Variants in GRID1 observed in about 807,000 individuals in gnomAD.
GRID1 encodes glutamate receptor ionotropic, delta-1.
In GRID1, 28 loss-of-function variants were observed where a neutral mutation model predicts 98.0. That is an observed-to-expected ratio of 0.29 (90% CI 0.21 to 0.39). GRID1 has a LOEUF of 0.39. Among genes scored for constraint, GRID1 ranks in the 10% least tolerant of loss-of-function variants. The pLI is 1.00. For synonymous variants in GRID1, 553 were observed against 538.5 expected (o/e 1.03, Z -0.37); for missense variants, 1,111 against 1,340.5 (o/e 0.83, Z 2.67).
At chr10:86,345,048 C>T (rs1383872365) in intron 2 of GRID1, among the ~76,000 whole-genome samples, 1 of 152,176 alleles carries the variant, frequency 6.6e-6, no homozygotes, top group Non-Finnish European at 1.5e-5. Flanking sequence ...CAGTGGCCCA[C>T]GGCAGTGACC....
chr10:85,945,816 G>C (rs1213894787), intron 4 of GRID1, among the ~76,000 whole-genome samples: 1 of 152,144 alleles, frequency 6.6e-6, no homozygotes, highest in Non-Finnish European at 1.5e-5. Flanking sequence ...TTGTTTTCTA[G>C]TAAGCAGATA....
chr10:86,167,638 A>C (rs1265738096), intron 3 of GRID1, among the ~76,000 whole-genome samples: 1 of 152,202 alleles, frequency 6.6e-6, no homozygotes, highest in African/African-American at 2.4e-5. Flanking sequence ...GGCAGGGTCC[A>C]TAGCATTGTA....
At chr10:85,773,811 A>G (rs1258156513) in intron 8 of GRID1, among the ~76,000 whole-genome samples, 1 of 152,238 alleles carries the variant, frequency 6.6e-6, no homozygotes, top group East Asian at 1.9e-4. Context: ...ACCACTGCTC[A>G]ATGAAATGAA....
chr10:85,667,934 G>A (rs1039779676), intron 12 of GRID1, among the ~76,000 whole-genome samples: 1 of 152,172 alleles, frequency 6.6e-6, no homozygotes, highest in Non-Finnish European at 1.5e-5. Context: ...CTCCCTGGAG[G>A]GCACCCACCA....
At chr10:86,156,000 G>C (rs1845239945) in intron 3 of GRID1, among the ~76,000 whole-genome samples, 1 of 152,194 alleles carries the variant, frequency 6.6e-6, no homozygotes, top group African/African-American at 2.4e-5. Context: ...TCCGCAATCT[G>C]ACCTTCCTAG....
chr10:85,824,953 T>C (rs1842806028), intron 8 of GRID1, among the ~76,000 whole-genome samples: 1 of 152,220 alleles, frequency 6.6e-6, no homozygotes, highest in African/African-American at 2.4e-5. Context: ...CATCAGTTGA[T>C]GGATACTTAG....
At chr10:86,294,841 T>C (rs987448875) in intron 2 of GRID1, among the ~76,000 whole-genome samples, 1 of 152,102 alleles carries the variant, frequency 6.6e-6, no homozygotes, top group South Asian at 2.1e-4. Context: ...GTTGGGGACA[T>C]GGGACATGCC....
chr10:85,883,885 C>G (rs1841074580), intron 5 of GRID1, among the ~76,000 whole-genome samples: 1 of 152,204 alleles, frequency 6.6e-6, no homozygotes, highest in Non-Finnish European at 1.5e-5. Flanking sequence ...TTGCCATCTC[C>G]TTCTGCATAG....
intron 4 of GRID1, among the ~76,000 whole-genome samples, chr10:86,067,887 C>T (rs1843742827): frequency 6.6e-6 from 1 of 152,224 alleles, no homozygotes; most frequent in Non-Finnish European, 1.5e-5. Context: ...AGCTTCCTCC[C>T]CTGCCCCATC....
chr10:86,171,909 G>A (rs551355955), intron 3 of GRID1, among the ~76,000 whole-genome samples: 2 of 152,052 alleles, frequency 1.3e-5, no homozygotes, highest in South Asian at 2.1e-4. Context: ...AACCCTACGC[G>A]GCATGCCAGG....
chr10:85,732,911 C>T (rs1165095431), intron 8 of GRID1, among the ~76,000 whole-genome samples: 2 of 152,150 alleles, frequency 1.3e-5, no homozygotes, highest in African/African-American at 4.8e-5. Context: ...TTCTCAGGCA[C>T]ACCACATTCC....
chr10:85,633,880 A>G (rs1002249386), intron 13 of GRID1, among the ~76,000 whole-genome samples: 5 of 152,136 alleles, frequency 3.3e-5, no homozygotes, highest in Admixed American at 6.6e-5. Flanking sequence ...ATAAAAGTTT[A>G]CTGGTAGAGG....
chr10:86,247,247 AGATG>A (rs1024550646), intron 2 of GRID1, among the ~76,000 whole-genome samples: 12 of 91,300 alleles, frequency 1.3e-4, no homozygotes, highest in Non-Finnish European at 1.8e-4. Flanking sequence ...AGGGATGGAC[AGATG>A]GATGGATAGA....
chr10:85,905,742 A>C (rs1024228416), intron 5 of GRID1, among the ~76,000 whole-genome samples: 9 of 152,144 alleles, frequency 5.9e-5, no homozygotes, highest in East Asian at 1.9e-4. Flanking sequence ...GCAACTACTA[A>C]ACTTTTTTAA....
At chr10:85,783,991 A>G (rs1212271816) in intron 8 of GRID1, among the ~76,000 whole-genome samples, 3 of 152,160 alleles carry the variant, frequency 2.0e-5, no homozygotes, top group African/African-American at 7.2e-5. Context: ...TTTAAGAACA[A>G]GAGCATGTAA....
intron 13 of GRID1, among the ~76,000 whole-genome samples, chr10:85,639,921 A>C (rs1843095167): frequency 6.6e-6 from 1 of 152,220 alleles, no homozygotes; most frequent in Non-Finnish European, 1.5e-5. Context: ...GTAGATGCTA[A>C]GATAGTTTGC....
Position 85,706,485 on chromosome 10 carries a change from T to C in GRID1, c.1997+16518A>G, listed in dbSNP as rs994740855. Among the ~76,000 whole-genome samples the C allele has an allele frequency of 3.6e-4, 55 of 152,276 alleles. 1 individual carries two copies. In the Middle Eastern group the frequency reaches 0.017, roughly 47 times the overall value. Reference sequence around the variant, plus strand: ...GAGGATACAAACAAATGGAAGAACATGCCATGCTCATGGGTAGGAAGAATC... The same window carrying C: ...GAGGATACAAACAAATGGAAGAACACGCCATGCTCATGGGTAGGAAGAATC... On this transcript the variant is annotated intron_variant, in intron 12 of 15. Transcript: ENST00000327946.
intron 2 of GRID1, among the ~76,000 whole-genome samples, chr10:86,354,683 C>A (rs1281009582): frequency 1.3e-5 from 2 of 152,314 alleles, no homozygotes; most frequent in South Asian, 2.1e-4. Flanking sequence ...CCCTTTCCAC[C>A]AAATAGAGCA....
intron 2 of GRID1, among the ~76,000 whole-genome samples, chr10:86,253,915 C>T (rs547825716): frequency 2.0e-5 from 3 of 152,290 alleles, no homozygotes; most frequent in Admixed American, 1.3e-4. Flanking sequence ...ATGTGACTGC[C>T]AGCTACTTCC....
Sources: gnomAD v4.1 joint callset for allele counts (sites outside exome capture counted in the v4.1 genomes callset) on GRCh38, gnomAD v4.1.1 for gene constraint, MANE v1.5 for transcripts, NCBI Gene and HGNC (gene_info 2026-07-23, HGNC 2026-07-21) for gene names.